Variants in SLC2A13 observed in about 807,000 individuals in gnomAD.
SLC2A13 encodes solute carrier family 2 member 13.
SLC2A13 carries 32 observed loss-of-function variants against 64.4 expected under a neutral mutation model. That is an observed-to-expected ratio of 0.50 (90% confidence interval 0.37 to 0.67). The LOEUF (loss-of-function observed/expected upper bound fraction) is 0.67. SLC2A13 is among the 30% of genes least tolerant of loss of function. The pLI is 0.00. For synonymous variants in SLC2A13, 338 were observed against 327.1 expected, an observed-to-expected ratio of 1.03 and a Z score of -0.36; for missense variants, 743 against 829.2, an observed-to-expected ratio of 0.90 and a Z score of 1.28.
chr12:40,098,299 G>A (rs1939031581), intron 1 of SLC2A13, among the ~76,000 whole-genome samples: 1 of 152,140 alleles, frequency 6.6e-6, no homozygotes, highest in African/African-American at 2.4e-5. Context: ...AAAAATCATA[G>A]AAACAGAAGG....
chr12:39,890,045 G>A (rs558576379), intron 4 of SLC2A13, among the ~76,000 whole-genome samples: 1 of 151,916 alleles, frequency 6.6e-6, no homozygotes, highest in South Asian at 2.1e-4. Context: ...TACTACATTG[G>A]GTAGAAACCC....
chr12:39,992,229 G>A (rs1440516955), intron 3 of SLC2A13, among the ~76,000 whole-genome samples: 1 of 152,104 alleles, frequency 6.6e-6, no homozygotes, highest in African/African-American at 2.4e-5. Context: ...CGATTAAGCA[G>A]CCTATATTCT....
intron 1 of SLC2A13, among the ~76,000 whole-genome samples, chr12:40,081,316 C>G (rs1938392467): frequency 6.6e-6 from 1 of 152,070 alleles, no homozygotes; most frequent in Non-Finnish European, 1.5e-5. Flanking sequence ...CTTGCTCTCT[C>G]TGTCTTTCTC....
intron 2 of SLC2A13, among the ~76,000 whole-genome samples, chr12:40,032,460 C>T (rs1947919893): frequency 6.6e-6 from 1 of 152,218 alleles, no homozygotes; most frequent in African/African-American, 2.4e-5. Flanking sequence ...AGTACCAGCA[C>T]CTGCCTACCA....
At chr12:39,924,642 T>C (rs1354535691) in intron 4 of SLC2A13, among the ~76,000 whole-genome samples, 1 of 152,214 alleles carries the variant, frequency 6.6e-6, no homozygotes, top group Non-Finnish European at 1.5e-5. Context: ...ATAGAAGTAT[T>C]TGCTTGAATC....
intron 1 of SLC2A13, among the ~76,000 whole-genome samples, chr12:40,100,480 G>T (rs1939107282): frequency 6.6e-6 from 1 of 152,134 alleles, no homozygotes; most frequent in African/African-American, 2.4e-5. Context: ...TGTACTTTGT[G>T]TTTTCTAGAC....
chr12:39,807,040 A>G (rs1226326894), intron 7 of SLC2A13, among the ~76,000 whole-genome samples: 1 of 152,232 alleles, frequency 6.6e-6, no homozygotes, highest in Non-Finnish European at 1.5e-5. Flanking sequence ...AAAAAAACAC[A>G]TTAGGTTGGT....
chr12:39,762,087 T>C (rs957407016), intron 9 of SLC2A13, among the ~76,000 whole-genome samples: 6 of 152,060 alleles, frequency 3.9e-5, no homozygotes, highest in African/African-American at 1.4e-4. Context: ...TTACAAAATC[T>C]GAGGAATCCA....
chr12:39,819,351 A>C (rs1942425983), intron 7 of SLC2A13, among the ~76,000 whole-genome samples: 1 of 152,174 alleles, frequency 6.6e-6, no homozygotes, highest in Non-Finnish European at 1.5e-5. Flanking sequence ...AGGACCTTTG[A>C]CATTATTTTA....
At chr12:39,991,817 G>C (rs1282165070) in intron 3 of SLC2A13, among the ~76,000 whole-genome samples, 1 of 150,108 alleles carries the variant, frequency 6.7e-6, no homozygotes, top group Non-Finnish European at 1.5e-5. Flanking sequence ...AAAAAAAAAT[G>C]AAACGGTGAT....
In SLC2A13 at chr12:39,758,556, T is replaced by C. The variant is rs373176221; in HGVS notation, c.*1470A>G. 1 of 152,078 alleles carries C rather than the reference T, an allele frequency of 6.6e-6. No homozygotes were observed. The highest frequency in any genetic ancestry group is 1.9e-4 in the East Asian group (1 of 5,298). The allele number at this position is 152,078 out of a possible 1,614,324, so 9.4% of individuals were successfully genotyped here. ...CAAGTAATTTTGTGATCAAGTAATT[T>C]TGTACATACTATATAGTTCTTAATA... is the stretch of plus-strand genomic sequence containing the variant. On this transcript the variant is annotated 3_prime_UTR_variant, in exon 10 of 10. Coordinates refer to ENST00000280871, the MANE Select transcript of SLC2A13 (RefSeq NM_052885.4).
At chr12:40,104,882 G>A (rs1260401517) in intron 1 of SLC2A13, among the ~76,000 whole-genome samples, 2 of 152,224 alleles carry the variant, frequency 1.3e-5, no homozygotes, top group African/African-American at 4.8e-5. Context: ...CAGGAAAGCA[G>A]AGACCCTCGT....
chr12:40,104,823 C>T (rs1318402225), intron 1 of SLC2A13, among the ~76,000 whole-genome samples: 4 of 152,148 alleles, frequency 2.6e-5, no homozygotes, highest in Non-Finnish European at 5.9e-5. Flanking sequence ...AGGCTGGGAG[C>T]CCCAGAAAAC....
At chr12:39,992,738 A>T (rs1039677548) in intron 3 of SLC2A13, among the ~76,000 whole-genome samples, 1 of 152,114 alleles carries the variant, frequency 6.6e-6, no homozygotes, top group Non-Finnish European at 1.5e-5. Context: ...TATAGTTTAC[A>T]TTTGGGACCA....
intron 7 of SLC2A13, among the ~76,000 whole-genome samples, chr12:39,788,067 G>C (rs927947908): frequency 6.6e-6 from 1 of 152,044 alleles, no homozygotes; most frequent in Non-Finnish European, 1.5e-5. Context: ...ACTCATACTT[G>C]TTGTGGGGTA....
At chr12:39,771,473 T>C (rs1357529463) in intron 7 of SLC2A13, among the ~76,000 whole-genome samples, 2 of 152,046 alleles carry the variant, frequency 1.3e-5, no homozygotes, top group African/African-American at 4.8e-5. Context: ...GAAACTGAAG[T>C]CCTCAGCACA....
intron 1 of SLC2A13, among the ~76,000 whole-genome samples, chr12:40,054,743 G>T (rs775612365): frequency 2.0e-5 from 3 of 152,182 alleles, no homozygotes; most frequent in Non-Finnish European, 4.4e-5. Context: ...ACGGCTGGAA[G>T]CCCTTTTAAA....
At chr12:39,782,648 A>T (rs1416201853) in intron 7 of SLC2A13, among the ~76,000 whole-genome samples, 1 of 152,216 alleles carries the variant, frequency 6.6e-6, no homozygotes, top group Non-Finnish European at 1.5e-5. Context: ...GAAAATGTGA[A>T]CTTGACATTG....
At chr12:39,769,063 A>G (rs1940466227) in intron 7 of SLC2A13, among the ~76,000 whole-genome samples, 1 of 152,092 alleles carries the variant, frequency 6.6e-6, no homozygotes, top group Admixed American at 6.6e-5. Flanking sequence ...CTTCTCAGAA[A>G]CTGAGCAGTG....
Sources: allele counts gnomAD v4.1 joint callset (sites outside exome capture counted in the v4.1 genomes callset), GRCh38; gene constraint gnomAD v4.1.1; transcripts MANE v1.5; gene names NCBI Gene and HGNC (gene_info 2026-07-23, HGNC 2026-07-21).